Variants in ELAVL4 observed in about 807,000 individuals in gnomAD.
ELAVL4 encodes the protein ELAV-like protein 4.
Under a neutral mutation model 35.6 loss-of-function variants are expected in ELAVL4, and 1 was observed. That is an observed-to-expected ratio of 0.03 (90% CI 0.01 to 0.13). The LOEUF (loss-of-function observed/expected upper bound fraction) is 0.13, where lower values mean the gene tolerates loss of function less well. Among genes scored for constraint, ELAVL4 ranks in the 10% least tolerant of loss-of-function variants. The pLI, the probability that ELAVL4 is intolerant of heterozygous loss-of-function variation, is 1.00. For missense variants in ELAVL4, 267 were observed against 464.9 expected (o/e 0.57, Z 3.91); for synonymous variants, 156 against 171.0 (o/e 0.91, Z 0.69).
At chr1:50,089,072 A>C (rs1572155974) in intron 1 of ELAVL4, among the ~76,000 whole-genome samples, 2 of 152,326 alleles carry the variant, frequency 1.3e-5, no homozygotes, top group Admixed American at 1.3e-4. Flanking sequence ...CCTGAAAGTG[A>C]ATGAGCTCCT....
At chr1:50,132,272 C>G (rs1001632526) in intron 1 of ELAVL4, among the ~76,000 whole-genome samples, 1 of 152,136 alleles carries the variant, frequency 6.6e-6, no homozygotes, top group African/African-American at 2.4e-5. Context: ...GAGCACAGAA[C>G]AGAGATCAGG....
chr1:50,184,398 C>CAA (rs33990892), intron 3 of ELAVL4, among the ~76,000 whole-genome samples: 5,865 of 141,866 alleles, frequency 0.041, 305 homozygotes, highest in African/African-American at 0.13. Context: ...TGAGCTGCTT[C>CAA]AAAAAAAAAA....
At chr1:50,135,877 G>T (rs994046464) in intron 1 of ELAVL4, among the ~76,000 whole-genome samples, 1 of 152,150 alleles carries the variant, frequency 6.6e-6, no homozygotes, top group African/African-American at 2.4e-5. Context: ...AGTGGTCTTT[G>T]TGAGTCATCA....
intron 1 of ELAVL4, among the ~76,000 whole-genome samples, chr1:50,092,371 T>A (rs1450903688): frequency 6.6e-6 from 1 of 152,194 alleles, no homozygotes; most frequent in South Asian, 2.1e-4. Flanking sequence ...TGCAAAGGCA[T>A]AAAATGTGGC....
At chr1:50,137,283 A>G (rs1672041212) in intron 1 of ELAVL4, among the ~76,000 whole-genome samples, 3 of 152,170 alleles carry the variant, frequency 2.0e-5, no homozygotes, top group South Asian at 2.1e-4. Context: ...GGTAGCAACA[A>G]TGATTCTCCT....
intron 3 of ELAVL4, among the ~76,000 whole-genome samples, chr1:50,192,328 G>T (rs190765491): frequency 1.3e-5 from 2 of 152,310 alleles, no homozygotes; most frequent in Admixed American, 1.3e-4. Context: ...GACCTGGCAT[G>T]TCTGTCATGG....
intron 1 of ELAVL4, among the ~76,000 whole-genome samples, chr1:50,090,326 C>G (rs1421900012): frequency 2.0e-5 from 3 of 152,160 alleles, no homozygotes; most frequent in Non-Finnish European, 4.4e-5. Context: ...TCACACTACT[C>G]TTTTTCACTT....
chr1:50,186,493 A>G (rs1681844235), intron 3 of ELAVL4, among the ~76,000 whole-genome samples: 2 of 152,154 alleles, frequency 1.3e-5, no homozygotes, highest in African/African-American at 4.8e-5. Flanking sequence ...ACTGCTGTGT[A>G]TCTTCTGTGG....
At chr1:50,130,483 C>T (rs2148633182) in intron 1 of ELAVL4, among the ~76,000 whole-genome samples, 1 of 152,240 alleles carries the variant, frequency 6.6e-6, no homozygotes, top group Middle Eastern at 3.4e-3. Flanking sequence ...ACACCTCTCA[C>T]CATTTCTTAT....
At chr1:50,129,225 C>T (rs911116120) in intron 1 of ELAVL4, among the ~76,000 whole-genome samples, 2 of 151,992 alleles carry the variant, frequency 1.3e-5, no homozygotes, top group African/African-American at 2.4e-5. Context: ...CTGACTGTGC[C>T]CTGGAAAAAT....
chr1:50,133,877 T>C (rs1282559907), intron 1 of ELAVL4, among the ~76,000 whole-genome samples: 1 of 152,152 alleles, frequency 6.6e-6, no homozygotes, highest in Non-Finnish European at 1.5e-5. Context: ...TTTATTTCAC[T>C]TATTATCTTC....
In ELAVL4 at chr1:50,129,176, C is replaced by A. The variant is rs1670447971; in HGVS notation, c.10-15781C>A. 2.0e-5 allele frequency among the ~76,000 whole-genome samples: 3 copies of A among 152,156 alleles called. No homozygotes were observed. The South Asian group carries it at 6.2e-4, about 32-fold the overall frequency. The stretch of plus-strand genomic sequence containing the variant: ...AGTCTCATTTCTTCAGGGGGAATGA[C>A]ACTTGCTCTGTTATCTCTACACTTC... On this transcript the variant is annotated intron_variant, in intron 1 of 6. Coordinates refer to ENST00000371824, the MANE Select transcript of ELAVL4 (RefSeq NM_001144774.3).
At chr1:50,193,142 G>C (rs546265524) in intron 3 of ELAVL4, among the ~76,000 whole-genome samples, 6 of 152,100 alleles carry the variant, frequency 3.9e-5, no homozygotes, top group Non-Finnish European at 8.8e-5. Context: ...GTGACGACAA[G>C]GTCACATATC....
chr1:50,156,209 C>A (rs1438958475), intron 2 of ELAVL4, among the ~76,000 whole-genome samples: 1 of 152,242 alleles, frequency 6.6e-6, no homozygotes, highest in African/African-American at 2.4e-5. Context: ...TTCCCCACCC[C>A]ATACTTGATA....
At chr1:50,099,299 G>C (rs1052168567), upstream of ELAVL4, among the ~76,000 whole-genome samples, 18 of 152,092 alleles carry the variant, frequency 1.2e-4, no homozygotes, top group Non-Finnish European at 2.2e-4. Flanking sequence ...GGTGGCTCAC[G>C]CCTGTAATCC....
At position 50,203,150 on chromosome 1, in the gene ELAVL4, A is replaced by G. The variant is rs1433960224; in HGVS notation, c.*1972A>G. ...GCTATTGCTTTTCTTGTCTTGTTATATAAAATCTTTTCAATACAAGTTTAG... is the reference window on the plus strand; with the variant it reads ...GCTATTGCTTTTCTTGTCTTGTTATGTAAAATCTTTTCAATACAAGTTTAG... On this transcript the variant is annotated 3_prime_UTR_variant, in exon 7 of 7. Transcript: ENST00000371824. The G allele has an allele frequency of 6.6e-6, 1 of 152,234 alleles. No individual in the cohort carries two copies. Among genetic ancestry groups the G allele is most frequent in the Non-Finnish European group, 1.5e-5 (1 of 68,032 alleles). The allele number at this position is 152,234 out of a possible 1,614,324, so 9.4% of individuals were successfully genotyped here.
At chr1:50,110,349 C>G (rs545545734) in intron 1 of ELAVL4, among the ~76,000 whole-genome samples, 1 of 152,008 alleles carries the variant, frequency 6.6e-6, no homozygotes, top group Non-Finnish European at 1.5e-5. Context: ...CTTTTTCAGT[C>G]TCATGCTAGG....
chr1:50,201,379 T>A lies in ELAVL4; in HGVS notation c.*201T>A, dbSNP rs1241898003. 2.2e-6 allele frequency: 1 copy of A among 462,080 alleles called. No homozygotes were observed. The highest frequency in any genetic ancestry group is 3.4e-6 in the Non-Finnish European group (1 of 295,650). 28.6% of individuals were successfully genotyped at this position (462,080 alleles called of 1,614,324 possible). On this transcript the variant is annotated 3_prime_UTR_variant, in exon 7 of 7. Transcript: ENST00000371824. The surrounding 1 kb of genome is among the most constrained non-coding windows in gnomAD (Gnocchi z 4.3). ...GTACCAGGAAAGGATTTTATAATGC[T>A]TAGAAAAAAAGAAAAAAAAAAAACA...
At position 50,184,047 on chromosome 1, in the gene ELAVL4, C is replaced by T. The variant is rs376542963; in HGVS notation, c.354+6855C>T. ...GAGCACGTGGCAATGCCAGCAGAAA[C>T]CAGAGACACGTTTACCCCAGTTGTG... On this transcript the variant is annotated intron_variant, in intron 3 of 6. Transcript: ENST00000371824. Among the ~76,000 whole-genome samples, 37 of 152,272 alleles carry T rather than the reference C, an allele frequency of 2.4e-4. 1 individual carries two copies. The South Asian group carries it at 6.4e-3, about 26-fold the overall frequency.
Sources: allele counts gnomAD v4.1 joint callset (sites outside exome capture counted in the v4.1 genomes callset), GRCh38; gene constraint gnomAD v4.1.1; non-coding constraint Gnocchi (gnomAD v3.1); transcripts MANE v1.5; gene names NCBI Gene and HGNC (gene_info 2026-07-23, HGNC 2026-07-21).